Variants in CAMSAP2 observed in about 807,000 individuals in gnomAD.
CAMSAP2 encodes calmodulin-regulated spectrin-associated protein 2.
Under a neutral mutation model 146.1 loss-of-function variants are expected in CAMSAP2, and 26 were observed. That is an observed-to-expected ratio of 0.18 (90% CI 0.13 to 0.25). CAMSAP2 has a LOEUF of 0.25. Ranked by LOEUF, CAMSAP2 falls within the 10% of genes least tolerant of loss-of-function variation. CAMSAP2 has a pLI of 1.00. For synonymous variants in CAMSAP2, 499 were observed against 596.6 expected (o/e 0.84, Z 2.38); for missense variants, 1,381 against 1,759.3 (o/e 0.78, Z 3.85).
At chr1:200,741,569 G>A (rs926473240) in intron 1 of CAMSAP2, among the ~76,000 whole-genome samples, 1 of 152,210 alleles carries the variant, frequency 6.6e-6, no homozygotes, top group Non-Finnish European at 1.5e-5. Context: ...AAAGTGGAAG[G>A]CAAAGGGAAT....
chr1:200,759,262 G>T (rs1664732740), intron 1 of CAMSAP2, among the ~76,000 whole-genome samples: 1 of 147,264 alleles, frequency 6.8e-6, no homozygotes. Flanking sequence ...CTAAAATTCT[G>T]CCGATTCCTG....
At chr1:200,804,619 T>C (rs1156733876) in intron 2 of CAMSAP2, among the ~76,000 whole-genome samples, 1 of 152,110 alleles carries the variant, frequency 6.6e-6, no homozygotes. Context: ...CCATAAAACA[T>C]TGTCTAGGAA....
intron 4 of CAMSAP2, among the ~76,000 whole-genome samples, chr1:200,822,139 TACACACACACAC>T (rs150135269): frequency 2.7e-5 from 4 of 146,338 alleles, no homozygotes; most frequent in African/African-American, 7.5e-5. Context: ...TCTCTCGCTC[TACACACACACAC>T]ACACACACAC....
rs529519853 is a variant in CAMSAP2 at position 200,739,809 on chromosome 1, C to A, written c.-19C>A. On this transcript the variant is annotated 5_prime_UTR_variant, in exon 1 of 17. Transcript: ENST00000358823. The surrounding 1 kb of genome is among the most constrained non-coding windows in gnomAD (Gnocchi z 4.8). ...TGTGAAGGTTAGGGCCGGGACATCC[C>A]GAGGAGCCGCGGTGAAAGATGGGGG... is the stretch of plus-strand genomic sequence containing the variant. 1.2e-6 allele frequency: 2 copies of A among 1,611,648 alleles called. No homozygotes were observed. The highest frequency in any genetic ancestry group is 2.2e-5 in the South Asian group (2 of 90,704).
chr1:200,809,235 A>C (rs1666262328), intron 3 of CAMSAP2, among the ~76,000 whole-genome samples: 1 of 152,130 alleles, frequency 6.6e-6, no homozygotes, highest in Non-Finnish European at 1.5e-5. Flanking sequence ...ATACTAGCAA[A>C]TCTGTAAACA....
intron 1 of CAMSAP2, among the ~76,000 whole-genome samples, chr1:200,742,242 GTGCACATAGTACATA>G (rs1406390005): frequency 1.3e-5 from 2 of 152,160 alleles, no homozygotes; most frequent in African/African-American, 4.8e-5. Context: ...TGTGAAAAAT[GTGCACATAGTACATA>G]TTGAAGTCTA....
intron 2 of CAMSAP2, among the ~76,000 whole-genome samples, chr1:200,784,374 G>T (rs900065129): frequency 6.6e-6 from 1 of 151,956 alleles, no homozygotes; most frequent in Non-Finnish European, 1.5e-5. Flanking sequence ...ATTTTGGGAA[G>T]AATTAATAGT....
intron 2 of CAMSAP2, among the ~76,000 whole-genome samples, chr1:200,768,647 G>T (rs1169515115): frequency 6.6e-6 from 1 of 151,842 alleles, no homozygotes; most frequent in Non-Finnish European, 1.5e-5. Flanking sequence ...GAGTGGGAGA[G>T]ACTTTTTTTT....
rs750065293 is a variant in CAMSAP2, at chr1:200,849,343, T to C, written c.2574T>C (p.Pro858=). ...AGTCTCCAACTACACCTATTGATCC[T>C]GAGAAGCAGTGGAACCTGGCAAGCC... ...WLKSPTTPID[P]EKQWNLASPS... is the part of the protein sequence containing the mutation. Residue 858 remains proline, a synonymous_variant, in exon 11 of 17, where the codon CCT becomes CCC. Coordinates refer to ENST00000358823, the MANE Select transcript of CAMSAP2 (RefSeq NM_203459.4). The surrounding 1 kb of genome is among the most constrained non-coding windows in gnomAD (Gnocchi z 6.3). The C allele has an allele frequency of 7.4e-6, 12 of 1,613,966 alleles. No individual in the cohort carries two copies. The Admixed American group carries it at 2.0e-4, about 27-fold the overall frequency.
chr1:200,816,899 C>T (rs1408212484), intron 4 of CAMSAP2, among the ~76,000 whole-genome samples: 2 of 44,922 alleles, frequency 4.5e-5, no homozygotes, highest in Non-Finnish European at 7.9e-5. Context: ...TATGTGTGTA[C>T]ACACACACGC....
chr1:200,788,130 G>T (rs1350960133), intron 2 of CAMSAP2, among the ~76,000 whole-genome samples: 3 of 152,196 alleles, frequency 2.0e-5, no homozygotes, highest in African/African-American at 7.2e-5. Context: ...GAATCATAAA[G>T]AATGTAGCCT....
chr1:200,823,572 A>G (rs918822557), intron 4 of CAMSAP2, among the ~76,000 whole-genome samples: 2 of 152,218 alleles, frequency 1.3e-5, no homozygotes, highest in African/African-American at 4.8e-5. Flanking sequence ...CTGGAGTTAC[A>G]GGTTTTTTGA....
chr1:200,853,917 A>T lies in CAMSAP2; in HGVS notation c.3823+422A>T, dbSNP rs1667686033. Reference sequence around the variant, plus strand: ...AAGATAGAAATGGTTGAAAATCCAAACTTATAATATCTGGAGTTGAGAGAA... The same window carrying T: ...AAGATAGAAATGGTTGAAAATCCAATCTTATAATATCTGGAGTTGAGAGAA... On this transcript the variant is annotated intron_variant, in intron 13 of 16. Coordinates refer to ENST00000358823, the MANE Select transcript of CAMSAP2 (RefSeq NM_203459.4). This position sits in a 1 kb window ranked among gnomAD's most constrained non-coding sequence, Gnocchi z 5.1. 6.6e-6 allele frequency among the ~76,000 whole-genome samples: 1 copy of T among 152,202 alleles called. No homozygotes were observed. The highest frequency in any genetic ancestry group is 2.1e-4 in the South Asian group (1 of 4,830).
At chr1:200,817,178 ACACACACACACAT>A (rs1558192039) in intron 4 of CAMSAP2, among the ~76,000 whole-genome samples, 1,351 of 55,322 alleles carry the variant, frequency 0.024, 38 homozygotes, top group African/African-American at 0.12. Context: ...GTGTGTATAT[ACACACACACACAT>A]GTGTGTGTGT....
rs568342098 is a variant in CAMSAP2, at chr1:200,856,707, T to C, written c.4012+582T>C. Among the ~76,000 whole-genome samples, 24 of 152,124 alleles carry C rather than the reference T, an allele frequency of 1.6e-4. No individual in the cohort carries two copies. In the East Asian group the frequency reaches 4.6e-3, roughly 29 times the overall value. ...TAAGATAGGAAGGCATGGGAGAACA[T>C]GTATGGGGAAGAGCAGAGGGAAAAG... is the stretch of plus-strand genomic sequence containing the variant. On this transcript the variant is annotated intron_variant, in intron 15 of 16. Coordinates refer to ENST00000358823, the MANE Select transcript of CAMSAP2 (RefSeq NM_203459.4).
At chr1:200,776,211 C>T (rs907151497) in intron 2 of CAMSAP2, among the ~76,000 whole-genome samples, 2 of 152,114 alleles carry the variant, frequency 1.3e-5, no homozygotes, top group African/African-American at 2.4e-5. Flanking sequence ...TTTAATTGTT[C>T]TTCCATCCAG....
At chr1:200,829,898 G>C (rs1377864808) in intron 4 of CAMSAP2, among the ~76,000 whole-genome samples, 1 of 151,996 alleles carries the variant, frequency 6.6e-6, no homozygotes, top group African/African-American at 2.4e-5. Context: ...CTGCACTCCA[G>C]CCTGGGTAAC....
intron 2 of CAMSAP2, among the ~76,000 whole-genome samples, chr1:200,797,229 C>A (rs907364122): frequency 3.3e-5 from 5 of 150,602 alleles, no homozygotes; most frequent in African/African-American, 1.2e-4. Flanking sequence ...AGTTCTAGAT[C>A]CCTGAGGAAT....
At chr1:200,790,131 G>T (rs1176722698) in intron 2 of CAMSAP2, among the ~76,000 whole-genome samples, 1 of 152,024 alleles carries the variant, frequency 6.6e-6, no homozygotes, top group Non-Finnish European at 1.5e-5. Context: ...TGTTTCTCAG[G>T]TTTTTTTCTC....
Sources: gnomAD v4.1 joint callset for allele counts (sites outside exome capture counted in the v4.1 genomes callset) on GRCh38, gnomAD v4.1.1 for gene constraint, Gnocchi (gnomAD v3.1) non-coding constraint, MANE v1.5 for transcripts, NCBI Gene and HGNC (gene_info 2026-07-23, HGNC 2026-07-21) for gene names.